The following COL4A2 variants were observed in gnomAD, a reference collection of about 807,000 sequenced individuals.
COL4A2 encodes collagen type IV alpha 2 chain, also known as collagen alpha-2(IV) chain.
COL4A2 carries 99 observed loss-of-function variants against 200.2 expected under a neutral mutation model. The observed-to-expected ratio is 0.49, with a 90% confidence interval of 0.42 to 0.58. COL4A2 has a LOEUF of 0.58. COL4A2 is among the 20% of genes least tolerant of loss of function. The probability of loss-of-function intolerance (pLI) is 0.00; values close to 1 mark genes in which losing one functional copy is unlikely to be tolerated. For synonymous variants in COL4A2, 897 were observed against 900.6 expected (o/e 1.00, Z 0.07); for missense variants, 1,950 against 2,314.1 (o/e 0.84, Z 3.23).
rs374108020 is a variant in COL4A2, at chr13:110,512,205, A to T, written c.*14A>T. ...AAGAACCTGTGAGCCGGCGCGTGCC[A>T]GGAAGGGCCATTTTGGTGCTTATTC... On this transcript the variant is annotated 3_prime_UTR_variant, in exon 48 of 48. Transcript: ENST00000360467. 5.6e-6 allele frequency: 9 copies of T among 1,605,826 alleles called. No homozygotes were observed. The African/African-American group carries it at 1.2e-4, about 22-fold the overall frequency.
chr13:110,480,509 C>A, intron 31 of COL4A2, 119 bp downstream of exon 31: 2 of 1,075,826 alleles, frequency 1.9e-6, no homozygotes, highest in Non-Finnish European at 2.6e-6. Flanking sequence ...CACACTTCTG[C>A]AGATTGGAGG....
At chr13:110,364,600 A>T (rs754871291) in intron 4 of COL4A2, among the ~76,000 whole-genome samples, 4 of 152,230 alleles carry the variant, frequency 2.6e-5, no homozygotes, top group Non-Finnish European at 4.4e-5. Flanking sequence ...TATGCTCTGA[A>T]GCTCCAAGTT....
At chr13:110,410,317 A>G (rs552595595) in intron 4 of COL4A2, among the ~76,000 whole-genome samples, 1 of 152,324 alleles carries the variant, frequency 6.6e-6, no homozygotes, top group Non-Finnish European at 1.5e-5. Flanking sequence ...CCAAGCTCAT[A>G]ATTCCACATG....
intron 3 of COL4A2, among the ~76,000 whole-genome samples, chr13:110,326,559 T>C (rs1885419391): frequency 6.6e-6 from 1 of 152,174 alleles, no homozygotes; most frequent in Non-Finnish European, 1.5e-5. Flanking sequence ...GGAAACAGGC[T>C]GTTTGAGGAC....
At chr13:110,495,577 A>G in intron 40 of COL4A2, 110 bp downstream of exon 40, 2 of 1,428,352 alleles carry the variant, frequency 1.4e-6, no homozygotes, top group Non-Finnish European at 1.9e-6. Context: ...GAAGTGCAGG[A>G]AAGAGCTGGT....
In COL4A2 at chr13:110,436,319, C is replaced by T. The variant is rs1159736276; in HGVS notation, c.777C>T (p.His259=). ...GPNGIPSDTL[H]PIIAPTGVTF... ...ACGGGATTCCATCAGACACCCTCCA[C>T]CCCATCATCGCGCCCACAGGAGTCA... The change falls in exon 13 of 48, where the codon CAC becomes CAT. Residue 259 remains histidine, a synonymous_variant. Coordinates refer to ENST00000360467, the MANE Select transcript of COL4A2 (RefSeq NM_001846.4). The T allele has an allele frequency of 3.1e-6, 5 of 1,613,992 alleles. No homozygotes were observed. Among genetic ancestry groups the T allele is most frequent in the Non-Finnish European group, 4.2e-6 (5 of 1,180,010 alleles).
intron 4 of COL4A2, among the ~76,000 whole-genome samples, chr13:110,410,580 G>A (rs540631092): frequency 2.0e-5 from 3 of 152,088 alleles, no homozygotes; most frequent in African/African-American, 2.4e-5. Flanking sequence ...TTTTTCTCCC[G>A]TAGCTTTCCT....
At chr13:110,468,187 T>A (rs1566551074) in intron 27 of COL4A2, 2 of 471,296 alleles carry the variant, frequency 4.2e-6, no homozygotes, top group Non-Finnish European at 8.8e-6. Context: ...GAGTGCACCG[T>A]GATCACAGGG....
chr13:110,469,502 G>A (rs542189478), intron 28 of COL4A2, among the ~76,000 whole-genome samples, 178 bp downstream of exon 28: 2 of 152,314 alleles, frequency 1.3e-5, no homozygotes, highest in East Asian at 3.9e-4. Context: ...AACTGATATT[G>A]TACTGGGTTT....
chr13:110,404,434 A>G (rs1041601558), intron 4 of COL4A2, among the ~76,000 whole-genome samples: 1 of 152,202 alleles, frequency 6.6e-6, no homozygotes, highest in African/African-American at 2.4e-5. Context: ...GACTTGTATC[A>G]GGCAGCTACT....
intron 4 of COL4A2, among the ~76,000 whole-genome samples, chr13:110,418,944 G>T (rs1880144033): frequency 6.6e-6 from 1 of 152,206 alleles, no homozygotes; most frequent in Admixed American, 6.5e-5. Context: ...CTAAATTTTG[G>T]CCGGTGGAAT....
chr13:110,458,855 G>T lies in COL4A2; in HGVS notation c.1517G>T (p.Gly506Val). The T allele has an allele frequency of 6.2e-7, 1 of 1,613,212 alleles. No individual in the cohort carries two copies. Among genetic ancestry groups the T allele is most frequent in the Non-Finnish European group, 8.5e-7 (1 of 1,179,584 alleles). The stretch of plus-strand genomic sequence containing the variant: ...CTGCCAGGACCCAAGGGCTTCGCAG[G>T]CATCAACGGGGAGCCGGGGAGGAAA... Reference protein sequence around the residue: ...PGLPGPKGFAGINGEPGRKGD... With the variant: ...PGLPGPKGFAVINGEPGRKGD... The change falls in exon 22 of 48, where the codon GGC (glycine) becomes GTC (valine). Residue 506 changes from glycine to valine, a missense_variant. Physicochemically the swap from Gly to Val is moderately radical, Grantham distance 109 (BLOSUM62 -3). Coordinates refer to ENST00000360467, the MANE Select transcript of COL4A2 (RefSeq NM_001846.4).
chr13:110,449,591 T>G, intron 18 of COL4A2, 88 bp from the exon 19 acceptor site: 1 of 1,277,078 alleles, frequency 7.8e-7, no homozygotes, highest in Non-Finnish European at 1.1e-6. Flanking sequence ...GAGCATTTGG[T>G]AAATATGTAG....
At chr13:110,356,560 C>T (rs1877274869) in intron 3 of COL4A2, among the ~76,000 whole-genome samples, 1 of 152,308 alleles carries the variant, frequency 6.6e-6, no homozygotes, top group East Asian at 1.9e-4. Flanking sequence ...CTGCCCACCT[C>T]TCTGGGTTCC....
chr13:110,407,408 C>T (rs1048295022), intron 4 of COL4A2, among the ~76,000 whole-genome samples: 7 of 152,188 alleles, frequency 4.6e-5, no homozygotes, highest in Admixed American at 3.3e-4. Context: ...ACCATGGATG[C>T]GGGGCTCCAG....
chr13:110,484,768 GC>G, intron 32 of COL4A2, 136 bp from the exon 33 acceptor site: 1 of 1,268,226 alleles, frequency 7.9e-7, no homozygotes. Flanking sequence ...GGCTTCTCCG[GC>G]GCCCTTGGTC....
intron 4 of COL4A2, among the ~76,000 whole-genome samples, chr13:110,414,289 C>T (rs1162227080): frequency 6.6e-6 from 1 of 152,174 alleles, no homozygotes; most frequent in African/African-American, 2.4e-5. Context: ...AAGATGTCAG[C>T]ACATGACCCA....
intron 35 of COL4A2, 57 bp from the exon 36 acceptor site, chr13:110,489,654 A>G (rs556318422): frequency 6.2e-7 from 1 of 1,610,160 alleles, no homozygotes; most frequent in Admixed American, 1.7e-5. Flanking sequence ...AAGTTGCAAA[A>G]CTCACAAAGT....
At position 110,449,747 on chromosome 13, in the gene COL4A2, C is replaced by G. The variant is rs1179039757; in HGVS notation, c.1147C>G (p.Pro383Ala). The change falls in exon 19 of 48, where the codon CCG becomes GCG. Residue 383 changes from proline (P) to alanine (A), a missense_variant. Physicochemically the swap from Pro to Ala is conservative, Grantham distance 27 (BLOSUM62 -1). Transcript: ENST00000360467. ...EPGSQGEPGD[P>A]GLPGPPGLSI... ...AGGAAGCCAGGGTGAGCCAGGAGAC[C>G]CGGGCCTCCCAGGTCCCCCTGGCCT... 4 of 1,549,178 alleles carry G rather than the reference C, an allele frequency of 2.6e-6. No homozygotes were observed. Among genetic ancestry groups the G allele is most frequent in the Non-Finnish European group, 3.5e-6 (4 of 1,146,654 alleles).
Sources: allele counts gnomAD v4.1 joint callset (sites outside exome capture counted in the v4.1 genomes callset), GRCh38; gene constraint gnomAD v4.1.1; transcripts MANE v1.5; gene names NCBI Gene and HGNC (gene_info 2026-07-23, HGNC 2026-07-21).